PRKN: variants seen among roughly 807,000 people sequenced by gnomAD.
PRKN encodes E3 ubiquitin-protein ligase parkin.
Under a neutral mutation model 59.5 loss-of-function variants are expected in PRKN, and 56 were observed. The observed-to-expected ratio is 0.94, with a 90% CI of 0.76 to 1.18. The LOEUF is 1.18. Among genes scored for constraint, PRKN ranks in the 50% most tolerant of loss-of-function variants. The pLI is 0.00. For synonymous variants in PRKN, 250 were observed against 222.1 expected, an observed-to-expected ratio of 1.13 and a Z score of -1.12; for missense variants, 657 against 596.4, an observed-to-expected ratio of 1.10 and a Z score of -1.06.
At chr6:161,813,679 C>G (rs1056314188) in intron 6 of PRKN, among the ~76,000 whole-genome samples, 1 of 152,190 alleles carries the variant, frequency 6.6e-6, no homozygotes, top group African/African-American at 2.4e-5. Context: ...ACAAGGCTCC[C>G]CTGATCTCTG....
intron 1 of PRKN, 101 bp downstream of exon 1, chr6:162,727,561 A>C (rs1779334617): frequency 7.8e-7 from 1 of 1,288,522 alleles, no homozygotes; most frequent in South Asian, 1.3e-5. Context: ...CCCGTCATTG[A>C]CAGTTGGCAC....
chr6:161,876,118 C>T (rs188629932), intron 6 of PRKN, among the ~76,000 whole-genome samples: 94 of 152,202 alleles, frequency 6.2e-4, no homozygotes, highest in African/African-American at 2.2e-3. Context: ...TATGTCATTG[C>T]TTTTCCTGTC....
chr6:162,184,427 G>T (rs1306244783), intron 4 of PRKN, among the ~76,000 whole-genome samples: 1 of 152,162 alleles, frequency 6.6e-6, no homozygotes, highest in Non-Finnish European at 1.5e-5. Flanking sequence ...CTGGTGGGAG[G>T]TAACTGAATC....
chr6:162,299,471 C>T (rs983558088), intron 2 of PRKN, among the ~76,000 whole-genome samples: 15 of 152,090 alleles, frequency 9.9e-5, no homozygotes, highest in African/African-American at 3.4e-4. Flanking sequence ...TTCCCAGGTG[C>T]ACCCAAGTGT....
rs1790108441 is a variant in PRKN at position 162,442,537 on chromosome 6, C to T, written c.171+773G>A. Among the ~76,000 whole-genome samples the T allele has an allele frequency of 3.3e-5, 5 of 152,160 alleles. No individual in the cohort carries two copies. The South Asian group carries it at 8.3e-4, about 25-fold the overall frequency. On this transcript the variant is annotated intron_variant, in intron 2 of 11. Coordinates refer to ENST00000366898, the MANE Select transcript of PRKN (RefSeq NM_004562.3). ...GATGGTGGTATTATCAGTCACCTCA[C>T]CAGTCCCCCTAATTCCTACAAAAAT... is the stretch of plus-strand genomic sequence containing the variant.
chr6:161,848,646 T>C (rs1793299882), intron 6 of PRKN, among the ~76,000 whole-genome samples: 1 of 152,230 alleles, frequency 6.6e-6, no homozygotes, highest in Non-Finnish European at 1.5e-5. Flanking sequence ...CTGGGGAATC[T>C]GAACTAGGCC....
chr6:161,682,870 C>T (rs1001260082), intron 7 of PRKN, among the ~76,000 whole-genome samples: 1 of 152,122 alleles, frequency 6.6e-6, no homozygotes, highest in Non-Finnish European at 1.5e-5. Flanking sequence ...CCCAGCAAAG[C>T]CCTGAGCTGC....
chr6:162,300,199 G>A (rs918030032), intron 2 of PRKN, among the ~76,000 whole-genome samples: 5 of 151,982 alleles, frequency 3.3e-5, no homozygotes, highest in African/African-American at 1.2e-4. Context: ...GAATGCCTAT[G>A]ACATTCAATG....
intron 4 of PRKN, among the ~76,000 whole-genome samples, chr6:162,104,964 T>C (rs1472045937): frequency 6.6e-6 from 1 of 152,224 alleles, no homozygotes; most frequent in Non-Finnish European, 1.5e-5. Context: ...GCTGGCTACA[T>C]GCTCTGATTT....
intron 6 of PRKN, among the ~76,000 whole-genome samples, chr6:161,862,063 T>A (rs1793925351): frequency 6.6e-6 from 1 of 152,198 alleles, no homozygotes; most frequent in South Asian, 2.1e-4. Flanking sequence ...TGTCTTCATA[T>A]CTTCTCTTCT....
intron 2 of PRKN, among the ~76,000 whole-genome samples, chr6:162,439,017 CTA>C (rs1434747022): frequency 6.6e-6 from 1 of 152,254 alleles, no homozygotes; most frequent in East Asian, 1.9e-4. Flanking sequence ...CGTGTCATTT[CTA>C]TGTTCCAACT....
At chr6:161,426,960 C>A (rs1167290511) in intron 9 of PRKN, among the ~76,000 whole-genome samples, 1 of 152,074 alleles carries the variant, frequency 6.6e-6, no homozygotes, top group African/African-American at 2.4e-5. Flanking sequence ...ACCTTGTGAT[C>A]TGCCCACCTC....
intron 2 of PRKN, among the ~76,000 whole-genome samples, chr6:162,280,206 G>A (rs2128106054): frequency 6.6e-6 from 1 of 152,188 alleles, no homozygotes; most frequent in African/African-American, 2.4e-5. Flanking sequence ...ATTTGTTCCT[G>A]CATTCATGAT....
intron 7 of PRKN, among the ~76,000 whole-genome samples, chr6:161,780,560 T>A (rs986395516): frequency 6.6e-6 from 1 of 152,164 alleles, no homozygotes; most frequent in Non-Finnish European, 1.5e-5. Context: ...GAATAACTTA[T>A]CTCATTTTAA....
At chr6:162,174,201 T>C (rs1783426146) in intron 4 of PRKN, among the ~76,000 whole-genome samples, 1 of 152,226 alleles carries the variant, frequency 6.6e-6, no homozygotes, top group Admixed American at 6.5e-5. Flanking sequence ...GGTGATGGGC[T>C]GTCCAAAGCA....
At chr6:161,534,609 T>C (rs1779345259) in intron 9 of PRKN, among the ~76,000 whole-genome samples, 1 of 152,216 alleles carries the variant, frequency 6.6e-6, no homozygotes, top group Non-Finnish European at 1.5e-5. Context: ...CCCTGCACAG[T>C]TACGTGTTGC....
chr6:161,763,816 GA>G (rs1294556128), intron 7 of PRKN, among the ~76,000 whole-genome samples: 1 of 152,096 alleles, frequency 6.6e-6, no homozygotes, highest in Non-Finnish European at 1.5e-5. Context: ...GTCCTGAGCT[GA>G]ATCGAGAAAC....
intron 5 of PRKN, among the ~76,000 whole-genome samples, chr6:161,998,942 TC>T (rs1781944611): frequency 1.3e-5 from 2 of 152,114 alleles, no homozygotes; most frequent in African/African-American, 2.4e-5. Flanking sequence ...TAGGTAATTT[TC>T]CTCACAATCC....
rs556214285 is a variant in PRKN, at chr6:162,609,186, C to G, written c.7+118476G>C. Among the ~76,000 whole-genome samples the G allele has an allele frequency of 9.8e-4, 149 of 152,126 alleles. 1 individual carries two copies. Among genetic ancestry groups the G allele is most frequent in the Non-Finnish European group, 1.8e-3 (121 of 68,020 alleles). On this transcript the variant is annotated intron_variant, in intron 1 of 11. Coordinates refer to ENST00000366898, the MANE Select transcript of PRKN (RefSeq NM_004562.3). ...TGCAGGCCCAGGGAGCTTAACTGAC[C>G]TTCTCAGGGTCATGCATTTAGGAAA...
Sources: gnomAD v4.1 joint callset for allele counts (sites outside exome capture counted in the v4.1 genomes callset) on GRCh38, gnomAD v4.1.1 for gene constraint, MANE v1.5 for transcripts, NCBI Gene and HGNC (gene_info 2026-07-23, HGNC 2026-07-21) for gene names.